MARK1: variants seen among roughly 807,000 people sequenced by gnomAD.
MARK1 encodes the protein serine/threonine-protein kinase MARK1.
In MARK1, 40 loss-of-function variants were observed where a neutral mutation model predicts 96.3. That is an observed-to-expected ratio of 0.42 (90% CI 0.32 to 0.54). MARK1 has a LOEUF of 0.54. Ranked by LOEUF, MARK1 falls within the 20% of genes least tolerant of loss-of-function variation. The pLI, the probability that MARK1 is intolerant of heterozygous loss-of-function variation, is 0.16. For synonymous variants in MARK1, 317 were observed against 341.2 expected (o/e 0.93, Z 0.78); for missense variants, 719 against 984.6 (o/e 0.73, Z 3.61).
In MARK1 at chr1:220,528,917, C is replaced by T. The variant is rs73101847; in HGVS notation, c.51+44C>T. On this transcript the variant is annotated intron_variant, in intron 1 of 17. Transcript: ENST00000366917. ...CCTCGGGAGCAGTGGGGGCGAGACCCTCCTCTGATCCCCACTTCACCCGCG... is the reference window on the plus strand; with the variant it reads ...CCTCGGGAGCAGTGGGGGCGAGACCTTCCTCTGATCCCCACTTCACCCGCG... 1,176 of 1,510,916 alleles carry T rather than the reference C, an allele frequency of 7.8e-4. 8 individuals are homozygous for T. In the African/African-American group the frequency reaches 0.015, roughly 19 times the overall value. The allele number at this position is 1,510,916 out of a possible 1,614,324, so 93.6% of individuals were successfully genotyped here. A position where few individuals can be genotyped will look rare whatever the true frequency, so the allele number is the denominator to read the frequency against.
chr1:220,632,136 T>G, intron 10 of MARK1, 65 bp from the exon 11 acceptor site: 1 of 733,114 alleles, frequency 1.4e-6, no homozygotes, highest in Non-Finnish European at 2.1e-6. Flanking sequence ...AACTTGCCCA[T>G]TTTTGTTGAT....
chr1:220,634,788 T>G (rs538142006), intron 11 of MARK1, among the ~76,000 whole-genome samples: 12 of 152,296 alleles, frequency 7.9e-5, no homozygotes, highest in Non-Finnish European at 1.5e-4. Flanking sequence ...TTTACCATGC[T>G]GAGTTCTAAA....
intron 13 of MARK1, among the ~76,000 whole-genome samples, chr1:220,643,108 A>T (rs1193989071): frequency 6.6e-6 from 1 of 152,238 alleles, no homozygotes; most frequent in Non-Finnish European, 1.5e-5. Flanking sequence ...GCTGAGATGG[A>T]TGAACTGACA....
At chr1:220,561,705 A>G (rs1459829385) in intron 1 of MARK1, among the ~76,000 whole-genome samples, 1 of 152,228 alleles carries the variant, frequency 6.6e-6, no homozygotes, top group African/African-American at 2.4e-5. Context: ...CTAGAATAGT[A>G]TAGACAATGG....
chr1:220,531,205 C>T (rs747022326), intron 1 of MARK1, among the ~76,000 whole-genome samples: 3 of 152,028 alleles, frequency 2.0e-5, no homozygotes, highest in East Asian at 1.9e-4. Context: ...TACTTCTCAT[C>T]GATGAAATAA....
intron 6 of MARK1, among the ~76,000 whole-genome samples, chr1:220,613,389 T>C (rs1165955977): frequency 6.6e-6 from 1 of 152,200 alleles, no homozygotes; most frequent in Non-Finnish European, 1.5e-5. Flanking sequence ...TTCTTGATGC[T>C]TTGAGGCTCA....
intron 1 of MARK1, among the ~76,000 whole-genome samples, chr1:220,553,918 G>C (rs994176225): frequency 3.9e-5 from 6 of 152,198 alleles, no homozygotes; most frequent in African/African-American, 1.2e-4. Flanking sequence ...TTGCATGACA[G>C]CCTAGGCCTG....
intron 13 of MARK1, among the ~76,000 whole-genome samples, chr1:220,644,638 G>A (rs903681279): frequency 5.9e-5 from 9 of 151,896 alleles, no homozygotes; most frequent in African/African-American, 2.2e-4. Context: ...ATTTTTCTTG[G>A]TGCCATGTGG....
intron 3 of MARK1, among the ~76,000 whole-genome samples, chr1:220,595,210 T>C (rs1481600754): frequency 6.6e-6 from 1 of 152,190 alleles, no homozygotes; most frequent in Non-Finnish European, 1.5e-5. Flanking sequence ...GATATGTATA[T>C]GTATGTATGT....
intron 1 of MARK1, among the ~76,000 whole-genome samples, chr1:220,555,083 C>CA (rs1408186633): frequency 1.3e-5 from 2 of 152,132 alleles, no homozygotes; most frequent in African/African-American, 4.8e-5. Context: ...GAAGTAACCA[C>CA]AGAATGGGTT....
At position 220,663,087 on chromosome 1, in the gene MARK1, G is replaced by A. The variant is rs1669567468; in HGVS notation, c.*921G>A. The A allele has an allele frequency of 6.6e-6, 1 of 152,620 alleles. No individual in the cohort carries two copies. Among genetic ancestry groups the A allele is most frequent in the Admixed American group, 6.5e-5 (1 of 15,280 alleles). 9.5% of individuals were successfully genotyped at this position (152,620 alleles called of 1,614,324 possible). On this transcript the variant is annotated 3_prime_UTR_variant, in exon 18 of 18. Coordinates refer to ENST00000366917, the MANE Select transcript of MARK1 (RefSeq NM_018650.5). ...CACAGCACAAACTCATCTTTACAGT[G>A]TTGATCAATGCATCAGTTAAGAAAT...
intron 1 of MARK1, among the ~76,000 whole-genome samples, chr1:220,531,974 A>G (rs1208302201): frequency 2.6e-5 from 4 of 152,080 alleles, no homozygotes; most frequent in South Asian, 4.1e-4. Context: ...ATATATTATC[A>G]TTACTCTTAC....
intron 17 of MARK1, among the ~76,000 whole-genome samples, chr1:220,659,068 C>T (rs1221588360): frequency 6.6e-6 from 1 of 151,938 alleles, no homozygotes; most frequent in African/African-American, 2.4e-5. Flanking sequence ...GCATTTTTGT[C>T]CTTTTAATGT....
chr1:220,649,129 G>A (rs1397739514), intron 13 of MARK1, among the ~76,000 whole-genome samples: 1 of 152,148 alleles, frequency 6.6e-6, no homozygotes, highest in Non-Finnish European at 1.5e-5. Flanking sequence ...AAATACGGAT[G>A]ACATTTCTAG....
At position 220,628,092 on chromosome 1, in the gene MARK1, A is replaced by G. The variant is rs181621325; in HGVS notation, c.910-2943A>G. 4.6e-5 allele frequency: 7 copies of G among 152,262 alleles called. No homozygotes were observed. The East Asian group carries it at 1.4e-3, about 29-fold the overall frequency. 9.4% of individuals were successfully genotyped at this position (152,262 alleles called of 1,614,324 possible). Reference sequence around the variant, plus strand: ...CCCATCTCTCCCCACTGCTTGTCACAGTGGAAAGATGTCTTTTGTTGAAGA... The same window carrying G: ...CCCATCTCTCCCCACTGCTTGTCACGGTGGAAAGATGTCTTTTGTTGAAGA... On this transcript the variant is annotated intron_variant, in intron 9 of 17. Coordinates refer to ENST00000366917, the MANE Select transcript of MARK1 (RefSeq NM_018650.5).
At chr1:220,613,487 T>C (rs959322708) in intron 6 of MARK1, among the ~76,000 whole-genome samples, 1 of 152,194 alleles carries the variant, frequency 6.6e-6, no homozygotes, top group Non-Finnish European at 1.5e-5. Context: ...CTGATCATGT[T>C]TGGTAACCAA....
At position 220,635,935 on chromosome 1, in the gene MARK1, A is replaced by C; in HGVS notation, c.1379A>C (p.Lys460Thr). 1.2e-6 allele frequency: 2 copies of C among 1,614,090 alleles called. No homozygotes were observed. Among genetic ancestry groups the C allele is most frequent in the Non-Finnish European group, 1.7e-6 (2 of 1,180,010 alleles). ...KEEWDKDVAR[K>T]LGSTTVGSKS... ...GAGTGGGACAAAGATGTGGCTCGAA[A>C]ACTTGGCAGCACAACAGTTGGATCA... Residue 460 changes from lysine (K) to threonine (T), a missense_variant, in exon 13 of 18, where the codon AAA becomes ACA. By Grantham distance (78) the Lys-to-Thr change is moderately conservative (BLOSUM62 -1). Transcript: ENST00000366917.
chr1:220,558,078 A>G (rs1219509477), intron 1 of MARK1, among the ~76,000 whole-genome samples: 5 of 151,230 alleles, frequency 3.3e-5, no homozygotes, highest in Non-Finnish European at 7.4e-5. Context: ...TGCAGCAGTG[A>G]GTCATGATCA....
chr1:220,593,405 C>A (rs1665123568), intron 3 of MARK1, among the ~76,000 whole-genome samples: 1 of 152,026 alleles, frequency 6.6e-6, no homozygotes, highest in Non-Finnish European at 1.5e-5. Flanking sequence ...TTTGACTTGA[C>A]TTTCTGGAAA....
Sources: gnomAD v4.1 joint callset for allele counts (sites outside exome capture counted in the v4.1 genomes callset) on GRCh38, gnomAD v4.1.1 for gene constraint, MANE v1.5 for transcripts, NCBI Gene and HGNC (gene_info 2026-07-23, HGNC 2026-07-21) for gene names.